Variants in CECR2 observed in about 807,000 individuals in gnomAD.
CECR2 encodes the protein chromatin remodeling regulator CECR2.
A neutral mutation model predicts 154.5 loss-of-function variants in CECR2; 30 were observed. The observed-to-expected ratio is 0.19, with a 90% confidence interval of 0.15 to 0.26. CECR2 has a LOEUF of 0.26. CECR2 is among the 10% of genes least tolerant of loss of function. The probability of loss-of-function intolerance (pLI) is 1.00; values close to 1 mark genes in which losing one functional copy is unlikely to be tolerated. For missense variants in CECR2, 1,743 were observed against 1,829.3 expected, an observed-to-expected ratio of 0.95 and a Z score of 0.86; for synonymous variants, 725 against 683.7, an observed-to-expected ratio of 1.06 and a Z score of -0.94.
At chr22:17,532,390 C>G (rs2056369185) in intron 9 of CECR2, among the ~76,000 whole-genome samples, 2 of 152,106 alleles carry the variant, frequency 1.3e-5, no homozygotes, top group South Asian at 4.1e-4. Context: ...TAGTTTCAGG[C>G]CTTCCTGGGG....
chr22:17,399,082 T>C (rs528882478), intron 1 of CECR2, among the ~76,000 whole-genome samples: 26 of 152,304 alleles, frequency 1.7e-4, no homozygotes, highest in East Asian at 1.5e-3. Flanking sequence ...CAGGTGATTA[T>C]TATGCACATT....
At chr22:17,413,145 G>T (rs1023578321) in intron 1 of CECR2, among the ~76,000 whole-genome samples, 2 of 152,144 alleles carry the variant, frequency 1.3e-5, no homozygotes, top group African/African-American at 2.4e-5. Context: ...ATGGATGAGG[G>T]TTATCTGATG....
chr22:17,395,628 G>A (rs1280021886), intron 1 of CECR2, among the ~76,000 whole-genome samples: 2 of 152,160 alleles, frequency 1.3e-5, no homozygotes, highest in African/African-American at 4.8e-5. Context: ...TTACAGGGGT[G>A]AGCCACCGTG....
intron 7 of CECR2, among the ~76,000 whole-genome samples, chr22:17,506,574 G>T (rs1396472886): frequency 6.6e-6 from 1 of 152,122 alleles, no homozygotes; most frequent in Non-Finnish European, 1.5e-5. Flanking sequence ...GTGAGTTCAG[G>T]CTTCTTCATC....
intron 9 of CECR2, among the ~76,000 whole-genome samples, chr22:17,536,476 T>G (rs928642256): frequency 6.6e-6 from 1 of 152,182 alleles, no homozygotes; most frequent in Admixed American, 6.5e-5. Context: ...TCATCATCCC[T>G]GCCTTCCAGC....
chr22:17,504,984 C>G lies in CECR2; in HGVS notation c.838C>G (p.Leu280Val). 2 of 1,613,690 alleles carry G rather than the reference C, an allele frequency of 1.2e-6. No homozygotes were observed. Among genetic ancestry groups the G allele is most frequent in the Middle Eastern group, 1.6e-4 (1 of 6,062 alleles). Residue 280 changes from leucine to valine, a missense_variant, in exon 7 of 19, where the codon CTG becomes GTG. By Grantham distance (32) the Leu-to-Val change is conservative. Around this residue, in one of 4 missense-constraint regions of CECR2, gnomAD observed 292 missense variants for 301.2 expected, o/e 0.97. Transcript: ENST00000262608. ...QLYKLLSEDF[L>V]PEICNMIAQK... Reference sequence around the variant, plus strand: ...CTACAAGCTCCTCAGTGAGGACTTCCTGCCTGAGATCTGCAACATGATCGC... The same window carrying G: ...CTACAAGCTCCTCAGTGAGGACTTCGTGCCTGAGATCTGCAACATGATCGC...
At chr22:17,414,208 G>C (rs1035536931) in intron 1 of CECR2, among the ~76,000 whole-genome samples, 1 of 152,012 alleles carries the variant, frequency 6.6e-6, no homozygotes, top group Non-Finnish European at 1.5e-5. Context: ...GCCTGACCTC[G>C]TGATCCGCCC....
intron 1 of CECR2, among the ~76,000 whole-genome samples, chr22:17,459,439 G>A (rs543771230): frequency 6.6e-6 from 1 of 151,952 alleles, no homozygotes; most frequent in African/African-American, 2.4e-5. Flanking sequence ...CTACGGTTGA[G>A]CGCCACAACG....
At chr22:17,367,515 A>G (rs1051677442), upstream of CECR2, among the ~76,000 whole-genome samples, 8 of 151,962 alleles carry the variant, frequency 5.3e-5, 1 homozygote, top group Non-Finnish European at 1.2e-4. Context: ...TCTCCCGAGT[A>G]GCTGGGACTA....
chr22:17,481,607 G>A (rs1162536318), intron 2 of CECR2, among the ~76,000 whole-genome samples: 2 of 152,072 alleles, frequency 1.3e-5, no homozygotes, highest in Non-Finnish European at 2.9e-5. Flanking sequence ...TTTGTAAAGG[G>A]CCAGATAGTC....
chr22:17,510,626 G>C (rs1214776708), intron 7 of CECR2, among the ~76,000 whole-genome samples: 1 of 152,028 alleles, frequency 6.6e-6, no homozygotes. Context: ...TTTTGAGATG[G>C]AGTCTCGCTC....
At chr22:17,370,609 C>T (rs2063047731) in intron 1 of CECR2, among the ~76,000 whole-genome samples, 1 of 152,098 alleles carries the variant, frequency 6.6e-6, no homozygotes, top group South Asian at 2.1e-4. Context: ...GAGTTGATCT[C>T]GCCACCATTA....
intron 2 of CECR2, among the ~76,000 whole-genome samples, chr22:17,483,421 G>T (rs1197775092): frequency 6.6e-6 from 1 of 151,946 alleles, no homozygotes; most frequent in Non-Finnish European, 1.5e-5. Context: ...AAATGAATTA[G>T]CTGGGCAATA....
chr22:17,369,176 G>C (rs948090492), upstream of CECR2, among the ~76,000 whole-genome samples: 6 of 151,666 alleles, frequency 4.0e-5, no homozygotes, highest in African/African-American at 1.5e-4. Context: ...GAGAGCTCCT[G>C]GCCGTCCTCC....
intron 1 of CECR2, among the ~76,000 whole-genome samples, chr22:17,441,878 TATAAA>T (rs1247542357): frequency 6.6e-6 from 1 of 152,218 alleles, no homozygotes; most frequent in Non-Finnish European, 1.5e-5. Context: ...CATGTTGAAG[TATAAA>T]ATAAAGTTCC....
At chr22:17,448,605 C>A (rs538561089) in intron 1 of CECR2, among the ~76,000 whole-genome samples, 1 of 152,234 alleles carries the variant, frequency 6.6e-6, no homozygotes, top group Admixed American at 6.5e-5. Flanking sequence ...AAGAGACAGC[C>A]CACATTATCA....
chr22:17,481,059 A>AAAAAAAAAAAAAAAAAC (rs2055305444), intron 2 of CECR2, among the ~76,000 whole-genome samples: 1 of 143,296 alleles, frequency 7.0e-6, no homozygotes, highest in Non-Finnish European at 1.5e-5. Context: ...TAAAAAAAAA[A>AAAAAAAAAAAAAAAAAC]AAGGCCGGGC....
rs551944084 is a variant in CECR2 at position 17,548,874 on chromosome 22, A to G, written c.3587A>G (p.His1196Arg). The G allele has an allele frequency of 3.7e-6, 6 of 1,612,232 alleles. No homozygotes were observed. The South Asian group carries it at 6.6e-5, about 18-fold the overall frequency. ...YHPPPQPSYH[H>R]YQRTPYYACP... Reference sequence around the variant, plus strand: ...CCACCGCCACAGCCTTCCTACCACCACTATCAGCGAACTCCTTACTATGCC... The same window carrying G: ...CCACCGCCACAGCCTTCCTACCACCGCTATCAGCGAACTCCTTACTATGCC... Residue 1196 changes from histidine (H) to arginine (R), a missense_variant, in exon 17 of 19, where the codon CAC (histidine) becomes CGC (arginine). This residue lies in a region of CECR2 where 1,250 missense variants were observed against 1,192.1 expected (regional missense o/e 1.05). Coordinates refer to ENST00000262608, the MANE Select transcript of CECR2 (RefSeq NM_001290047.2).
At chr22:17,362,521 C>G (rs1356634037) in intron 1 of CECR2, among the ~76,000 whole-genome samples, 1 of 149,294 alleles carries the variant, frequency 6.7e-6, no homozygotes, top group Non-Finnish European at 1.5e-5. Context: ...ATTTCAAAGA[C>G]TTGGCATGAA....
Sources: allele counts gnomAD v4.1 joint callset (sites outside exome capture counted in the v4.1 genomes callset), GRCh38; gene constraint gnomAD v4.1.1; regional missense constraint gnomAD v4.1.1; transcripts MANE v1.5; gene names NCBI Gene and HGNC (gene_info 2026-07-23, HGNC 2026-07-21).